Variants in IFT25 observed in about 807,000 individuals in gnomAD.
The protein encoded by IFT25 is intraflagellar transport 25, also known as intraflagellar transport protein 25 homolog.
chr1:53,927,186 TG>T, the IFT25 span, among the ~76,000 whole-genome samples: 1,210 of 152,352 alleles, frequency 7.9e-3, 42 homozygotes, highest in South Asian at 0.058. Context: ...TTGTTACTTG[TG>T]GATCATTTGA....
chr1:53,916,835 T>A, the IFT25 span: 1 of 396,698 alleles, frequency 2.5e-6, no homozygotes, highest in South Asian at 1.3e-4. Flanking sequence ...TTCCTACTCT[T>A]CTCCATTTAA....
chr1:53,915,592 G>A, the IFT25 span, among the ~76,000 whole-genome samples: 1 of 152,140 alleles, frequency 6.6e-6, no homozygotes, highest in Non-Finnish European at 1.5e-5. Context: ...AATAAAACAG[G>A]GAAGAAAGAT....
At chr1:53,916,360 G>T in the IFT25 span, among the ~76,000 whole-genome samples, 1 of 152,064 alleles carries the variant, frequency 6.6e-6, no homozygotes, top group Non-Finnish European at 1.5e-5. Flanking sequence ...TTCAAATACC[G>T]TATATGAAAT....
At chr1:53,932,914 G>A in the IFT25 span, among the ~76,000 whole-genome samples, 31 of 152,138 alleles carry the variant, frequency 2.0e-4, no homozygotes, top group South Asian at 6.2e-4. Context: ...TTCTATAACC[G>A]TCAACAAAGT....
chr1:53,935,202 A>G, the IFT25 span, among the ~76,000 whole-genome samples: 1 of 152,114 alleles, frequency 6.6e-6, no homozygotes, highest in African/African-American at 2.4e-5. Flanking sequence ...AATCCCAGCT[A>G]CTCGGGAGGC....
the IFT25 span, among the ~76,000 whole-genome samples, chr1:53,943,823 T>C: frequency 1.3e-5 from 2 of 152,118 alleles, no homozygotes; most frequent in Admixed American, 6.6e-5. Context: ...GGTTTTGCCA[T>C]GTTGCCCAGT....
chr1:53,915,082 A>T, the IFT25 span, among the ~76,000 whole-genome samples: 1 of 152,218 alleles, frequency 6.6e-6, no homozygotes, highest in African/African-American at 2.4e-5. Context: ...AGCTTTATTC[A>T]AAGCTCCTCA....
chr1:53,911,724 G>A, the IFT25 span, among the ~76,000 whole-genome samples: 3 of 152,050 alleles, frequency 2.0e-5, no homozygotes, highest in Admixed American at 6.6e-5. Context: ...GATTCAAACC[G>A]GATCTCTAAC....
At chr1:53,914,143 T>C in the IFT25 span, among the ~76,000 whole-genome samples, 1 of 152,326 alleles carries the variant, frequency 6.6e-6, no homozygotes, top group East Asian at 1.9e-4. Context: ...TTCTCCATCC[T>C]CCTGAGCCAC....
the IFT25 span, chr1:53,928,515 G>T: frequency 9.2e-7 from 1 of 1,082,890 alleles, no homozygotes; most frequent in Non-Finnish European, 1.4e-6. Context: ...TTTTCCCTCT[G>T]CCTGAGATTA....
At chr1:53,926,752 T>C in the IFT25 span, among the ~76,000 whole-genome samples, 1 of 151,900 alleles carries the variant, frequency 6.6e-6, no homozygotes, top group African/African-American at 2.4e-5. Flanking sequence ...AGATGGGGTC[T>C]TGCTCTGTCA....
the IFT25 span, among the ~76,000 whole-genome samples, chr1:53,935,054 G>A: frequency 2.9e-4 from 44 of 152,306 alleles, no homozygotes; most frequent in African/African-American, 9.9e-4. Flanking sequence ...TGTGGCTTAC[G>A]CCTGTAATCC....
At chr1:53,944,278 C>T in the IFT25 span, among the ~76,000 whole-genome samples, 2,394 of 152,256 alleles carry the variant, frequency 0.016, 34 homozygotes, top group Non-Finnish European at 0.028. Context: ...CCGAGGTGGG[C>T]GAACAGCTTG....
chr1:53,945,162 G>C, the IFT25 span, among the ~76,000 whole-genome samples: 1 of 152,170 alleles, frequency 6.6e-6, no homozygotes, highest in Non-Finnish European at 1.5e-5. Flanking sequence ...GACTTGTGGA[G>C]GCCCGCCCCA....
the IFT25 span, among the ~76,000 whole-genome samples, chr1:53,925,916 C>A: frequency 5.9e-5 from 9 of 151,498 alleles, no homozygotes; most frequent in Non-Finnish European, 1.3e-4. Flanking sequence ...GCCTGGCCAA[C>A]ATGGTGAAAA....
chr1:53,919,102 G>C, the IFT25 span, among the ~76,000 whole-genome samples: 1 of 152,008 alleles, frequency 6.6e-6, no homozygotes, highest in African/African-American at 2.4e-5. Context: ...GCCTCCCTAA[G>C]TGCTGGGATT....
chr1:53,912,955 C>T, the IFT25 span, among the ~76,000 whole-genome samples: 5 of 152,124 alleles, frequency 3.3e-5, no homozygotes, highest in African/African-American at 7.2e-5. Context: ...CTTTGAGAAC[C>T]GCTGCTATAG....
chr1:53,925,034 A>C, the IFT25 span, among the ~76,000 whole-genome samples: 4 of 152,236 alleles, frequency 2.6e-5, no homozygotes, highest in Non-Finnish European at 5.9e-5. Flanking sequence ...GCTTCCTAGA[A>C]GTAAACATTC....
the IFT25 span, chr1:53,945,518 C>T: frequency 6.5e-6 from 1 of 153,338 alleles, no homozygotes; most frequent in African/African-American, 2.4e-5. Context: ...CCCCCATACC[C>T]TCTGGTGCCA....
Sources: allele counts gnomAD v4.1 joint callset (sites outside exome capture counted in the v4.1 genomes callset), GRCh38; gene constraint gnomAD v4.1.1; transcripts MANE v1.5; gene names NCBI Gene and HGNC (gene_info 2026-07-23, HGNC 2026-07-21).